The following GPR137C variants were observed in gnomAD, a reference collection of about 807,000 sequenced individuals.
The protein encoded by GPR137C is G protein-coupled receptor 137C.
GPR137C carries 27 observed loss-of-function variants against 43.4 expected under a neutral mutation model. The observed-to-expected ratio is 0.62, with a 90% CI of 0.46 to 0.86. GPR137C has a LOEUF of 0.86. Among genes scored for constraint, GPR137C ranks in the 40% least tolerant of loss-of-function variants. The pLI, the probability that GPR137C is intolerant of heterozygous loss-of-function variation, is 0.00. For synonymous variants in GPR137C, 285 were observed against 226.9 expected (o/e 1.26, Z -2.30); for missense variants, 522 against 534.6 (o/e 0.98, Z 0.23).
At chr14:52,600,947 A>T (rs918324066) in intron 3 of GPR137C, among the ~76,000 whole-genome samples, 2 of 152,244 alleles carry the variant, frequency 1.3e-5, no homozygotes, top group Non-Finnish European at 2.9e-5. Context: ...ACTTCACCCA[A>T]TAATATGAAG....
rs545511593 is a variant in GPR137C at position 52,635,277 on chromosome 14, T to A, written c.*162T>A. The A allele has an allele frequency of 1.9e-6, 1 of 519,414 alleles. No individual in the cohort carries two copies. The highest frequency in any genetic ancestry group is 3.2e-6 in the Non-Finnish European group (1 of 314,362). The allele number at this position is 519,414 out of a possible 1,614,324, so 32.2% of individuals were successfully genotyped here. ...AATAACACAGCTATTATTTTTGACC[T>A]CTTCATAGTAAAATGAAGTAAAATG... is the stretch of plus-strand genomic sequence containing the variant. On this transcript the variant is annotated 3_prime_UTR_variant, in exon 7 of 7. Transcript: ENST00000321662.
At position 52,616,585 on chromosome 14, in the gene GPR137C, C is replaced by T. The variant is rs563626510; in HGVS notation, c.718-15575C>T. Among the ~76,000 whole-genome samples, 17 of 152,236 alleles carry T rather than the reference C, an allele frequency of 1.1e-4. 1 individual carries two copies. The South Asian group carries it at 3.5e-3, about 32-fold the overall frequency. On this transcript the variant is annotated intron_variant, in intron 3 of 6. Coordinates refer to ENST00000321662, the MANE Select transcript of GPR137C (RefSeq NM_001099652.2). Reference sequence around the variant, plus strand: ...CTGCAGTTACAGGCGTGAGGCACTGCCCCCAGCCATGTTAGGTTCCTCGTC... The same window carrying T: ...CTGCAGTTACAGGCGTGAGGCACTGTCCCCAGCCATGTTAGGTTCCTCGTC...
chr14:52,608,775 T>G (rs919503895), intron 3 of GPR137C, among the ~76,000 whole-genome samples: 3 of 152,170 alleles, frequency 2.0e-5, no homozygotes, highest in African/African-American at 7.2e-5. Flanking sequence ...CCCGTAATGT[T>G]TCTGCTGAGA....
intron 1 of GPR137C, among the ~76,000 whole-genome samples, chr14:52,593,788 A>G (rs1332219508): frequency 1.4e-4 from 4 of 28,732 alleles, no homozygotes; most frequent in Non-Finnish European, 2.1e-4. Flanking sequence ...CAGCTCCTGG[A>G]TTCATTGATT....
At chr14:52,621,938 CA>C (rs1390900229) in intron 3 of GPR137C, among the ~76,000 whole-genome samples, 1 of 151,496 alleles carries the variant, frequency 6.6e-6, no homozygotes, top group East Asian at 1.9e-4. Flanking sequence ...TACATTCTAA[CA>C]AATAACATGT....
intron 1 of GPR137C, among the ~76,000 whole-genome samples, chr14:52,577,946 C>T (rs1223241662): frequency 6.6e-6 from 1 of 151,932 alleles, no homozygotes; most frequent in Non-Finnish European, 1.5e-5. Flanking sequence ...GCCTGGGTAA[C>T]AGAATGAGAC....
At chr14:52,557,916 A>G (rs1158598643) in intron 1 of GPR137C, among the ~76,000 whole-genome samples, 1 of 152,118 alleles carries the variant, frequency 6.6e-6, no homozygotes, top group East Asian at 1.9e-4. Context: ...CGTTTTTCAC[A>G]TGGTTTCAAA....
chr14:52,628,207 A>G (rs907228290), intron 3 of GPR137C, among the ~76,000 whole-genome samples: 1 of 152,224 alleles, frequency 6.6e-6, no homozygotes, highest in African/African-American at 2.4e-5. Context: ...ATCTACACTT[A>G]ATGTGGTTTA....
rs375918589 is a variant in GPR137C, at chr14:52,612,389, G to A, written c.717+12048G>A. 80 of 970,906 alleles carry A rather than the reference G, an allele frequency of 8.2e-5. No homozygotes were observed. In the African/African-American group the frequency reaches 1.3e-3, roughly 16 times the overall value. 60.1% of individuals were successfully genotyped at this position (970,906 alleles called of 1,614,324 possible). ...TCTTATCCTACTGATAGGCCTTTAA[G>A]TGGTTTTCAAAAAAGAATGTCAGCC... On this transcript the variant is annotated intron_variant, in intron 3 of 6. Coordinates refer to ENST00000321662, the MANE Select transcript of GPR137C (RefSeq NM_001099652.2).
At chr14:52,604,517 C>G (rs1235358984) in intron 3 of GPR137C, among the ~76,000 whole-genome samples, 6 of 151,652 alleles carry the variant, frequency 4.0e-5, no homozygotes, top group Non-Finnish European at 8.8e-5. Flanking sequence ...GTGATCCTGG[C>G]TCACTACAAC....
chr14:52,560,079 T>G (rs944089759), intron 1 of GPR137C, among the ~76,000 whole-genome samples: 3 of 151,906 alleles, frequency 2.0e-5, no homozygotes, highest in African/African-American at 7.3e-5. Context: ...ATCACTTGAG[T>G]CCAGGAGATA....
intron 1 of GPR137C, among the ~76,000 whole-genome samples, chr14:52,590,478 A>G (rs2038768309): frequency 6.6e-6 from 1 of 152,226 alleles, no homozygotes; most frequent in Non-Finnish European, 1.5e-5. Context: ...AGTAGTGTAC[A>G]GTAATGTCCT....
chr14:52,605,933 A>G (rs1043580951), intron 3 of GPR137C, among the ~76,000 whole-genome samples: 2 of 152,164 alleles, frequency 1.3e-5, no homozygotes, highest in Non-Finnish European at 2.9e-5. Flanking sequence ...GTGTTGTTGA[A>G]TTCTGTTTGC....
intron 3 of GPR137C, among the ~76,000 whole-genome samples, chr14:52,619,466 C>T (rs1383844257): frequency 6.6e-6 from 1 of 152,086 alleles, no homozygotes; most frequent in African/African-American, 2.4e-5. Flanking sequence ...CCCTCTTAAG[C>T]TATAGAGCTT....
chr14:52,553,081 C>T lies in GPR137C; in HGVS notation c.-67C>T, dbSNP rs1435677604. 3 of 909,756 alleles carry T rather than the reference C, an allele frequency of 3.3e-6. No individual in the cohort carries two copies. The highest frequency in any genetic ancestry group is 1.8e-5 in the African/African-American group (1 of 56,324). The allele number at this position is 909,756 out of a possible 1,614,324, so 56.4% of individuals were successfully genotyped here. On this transcript the variant is annotated 5_prime_UTR_variant, in exon 1 of 7. Transcript: ENST00000321662. Reference sequence around the variant, plus strand: ...GGGGTAAGGGGGCAGTCCTTCTCCCCTTCGACGGCGGCTCCGAGTCCAGCC... The same window carrying T: ...GGGGTAAGGGGGCAGTCCTTCTCCCTTTCGACGGCGGCTCCGAGTCCAGCC...
intron 3 of GPR137C, among the ~76,000 whole-genome samples, chr14:52,610,879 C>G (rs1340868151): frequency 6.6e-6 from 1 of 152,180 alleles, no homozygotes; most frequent in African/African-American, 2.4e-5. Flanking sequence ...TAGGTCTCTG[C>G]TAGTAACCAC....
chr14:52,567,624 C>T (rs1187853323), intron 1 of GPR137C, among the ~76,000 whole-genome samples: 3 of 149,832 alleles, frequency 2.0e-5, no homozygotes, highest in African/African-American at 7.3e-5. Context: ...TGTCAGCGTT[C>T]ATCACTGCTT....
intron 1 of GPR137C, among the ~76,000 whole-genome samples, chr14:52,597,495 C>T (rs1320658431): frequency 6.6e-6 from 1 of 152,160 alleles, no homozygotes; most frequent in Non-Finnish European, 1.5e-5. Flanking sequence ...TTCAATAGTC[C>T]TGTAACTGGT....
intron 3 of GPR137C, among the ~76,000 whole-genome samples, chr14:52,610,696 G>A (rs1179485687): frequency 6.6e-6 from 1 of 152,150 alleles, no homozygotes; most frequent in Non-Finnish European, 1.5e-5. Context: ...TAGATGTTCG[G>A]TAAATATTTG....
Sources: allele counts gnomAD v4.1 joint callset (sites outside exome capture counted in the v4.1 genomes callset), GRCh38; gene constraint gnomAD v4.1.1; transcripts MANE v1.5; gene names NCBI Gene and HGNC (gene_info 2026-07-23, HGNC 2026-07-21).